TDRD10: variants seen among roughly 807,000 people sequenced by gnomAD.
The protein encoded by TDRD10 is tudor domain-containing protein 10.
In TDRD10, 40 loss-of-function variants were observed where a neutral mutation model predicts 48.0. That is an observed-to-expected ratio of 0.83 (90% confidence interval 0.65 to 1.09). The LOEUF (loss-of-function observed/expected upper bound fraction) is 1.09, where lower values mean the gene tolerates loss of function less well. TDRD10 is among the 50% of genes least tolerant of loss of function. The pLI is 0.00. For missense variants in TDRD10, 378 were observed against 434.7 expected, an observed-to-expected ratio of 0.87 and a Z score of 1.16; for synonymous variants, 162 against 170.4, an observed-to-expected ratio of 0.95 and a Z score of 0.38.
chr1:154,520,261 G>C, intron 4 of TDRD10, 43 bp from the exon 5 acceptor site: 3 of 1,443,096 alleles, frequency 2.1e-6, no homozygotes, highest in Admixed American at 1.7e-5. Flanking sequence ...GTGGTTGTAA[G>C]TTATGTCTCT....
Position 154,547,470 on chromosome 1 carries a change from GAACTCGGCGGT to G in TDRD10, c.1019_1023+6del. 6.2e-7 allele frequency: 1 copy of G among 1,614,222 alleles called. No individual in the cohort carries two copies. Among genetic ancestry groups the G allele is most frequent in the Non-Finnish European group, 8.5e-7 (1 of 1,180,042 alleles). On this transcript the variant is annotated splice_donor_variant and coding_sequence_variant, in exon 12 of 13. Coordinates refer to ENST00000368482, the MANE Select transcript of TDRD10 (RefSeq NM_182499.4). LOFTEE classifies it high-confidence loss of function. ...TCAAAGGGAAAATCACTGGTGCTTT[GAACTCGGCGGT>G]AACTGCTCCTGCATCTAACTTGGCT... is the stretch of plus-strand genomic sequence containing the variant.
At chr1:154,516,047 T>G (rs1463803985) in intron 4 of TDRD10, among the ~76,000 whole-genome samples, 1 of 152,176 alleles carries the variant, frequency 6.6e-6, no homozygotes, top group Non-Finnish European at 1.5e-5. Context: ...AGTGATGATC[T>G]CTTCCCCATA....
chr1:154,520,597 C>T (rs1694006822), intron 5 of TDRD10, among the ~76,000 whole-genome samples: 1 of 152,178 alleles, frequency 6.6e-6, no homozygotes, highest in African/African-American at 2.4e-5. Context: ...AGTCCAGAGA[C>T]CTGGGTATAT....
intron 6 of TDRD10, among the ~76,000 whole-genome samples, chr1:154,536,908 A>AT (rs1694950391): frequency 6.6e-6 from 1 of 152,116 alleles, no homozygotes; most frequent in South Asian, 2.1e-4. Flanking sequence ...TTGCACCTAG[A>AT]TTTAACTTTT....
chr1:154,508,586 C>T (rs931393206), intron 4 of TDRD10, 105 bp downstream of exon 4: 1 of 791,174 alleles, frequency 1.3e-6, no homozygotes, highest in African/African-American at 1.7e-5. Flanking sequence ...CGTTTGAGAG[C>T]TATGATAGTG....
At chr1:154,547,299 G>GT in intron 11 of TDRD10, 110 bp from the exon 12 acceptor site, 1 of 1,100,366 alleles carries the variant, frequency 9.1e-7, no homozygotes, top group South Asian at 1.4e-5. Context: ...GTTGGAGCTG[G>GT]TTGGCGGCCA....
intron 6 of TDRD10, among the ~76,000 whole-genome samples, chr1:154,525,075 G>T (rs764785750): frequency 6.6e-6 from 1 of 152,210 alleles, no homozygotes; most frequent in Non-Finnish European, 1.5e-5. Context: ...GAAGGTCAGG[G>T]TGAATGTGGT....
intron 4 of TDRD10, among the ~76,000 whole-genome samples, chr1:154,510,831 G>A (rs866103328): frequency 6.6e-6 from 1 of 151,630 alleles, no homozygotes; most frequent in Non-Finnish European, 1.5e-5. Flanking sequence ...TGGATCACGA[G>A]TTCAGGAGCT....
In TDRD10 at chr1:154,544,120, G is replaced by T. The variant is rs1461484903; in HGVS notation, c.651+10G>T. Reference sequence around the variant, plus strand: ...TATGCACGTCACTGAGGTATGGACTGGTTGTTGGCCCCCTCAGGCTCCTGT... The same window carrying T: ...TATGCACGTCACTGAGGTATGGACTTGTTGTTGGCCCCCTCAGGCTCCTGT... On this transcript the variant is annotated intron_variant, in intron 9 of 12. Transcript: ENST00000368482. 1.2e-6 allele frequency: 2 copies of T among 1,614,080 alleles called. No homozygotes were observed. Among genetic ancestry groups the T allele is most frequent in the South Asian group, 2.2e-5 (2 of 91,062 alleles).
Position 154,508,406 on chromosome 1 carries a change from G to T in TDRD10, c.83-17G>T. Reference sequence around the variant, plus strand: ...ACCGTATGTATGCCTGCCATTTAATGCTGTTTTTCTTCTTAGGATTCAAGA... The same window carrying T: ...ACCGTATGTATGCCTGCCATTTAATTCTGTTTTTCTTCTTAGGATTCAAGA... On this transcript the variant is annotated splice_polypyrimidine_tract_variant and intron_variant, in intron 3 of 12. Transcript: ENST00000368482. 1 of 1,579,574 alleles carries T rather than the reference G, an allele frequency of 6.3e-7. No individual in the cohort carries two copies. The highest frequency in any genetic ancestry group is 1.1e-5 in the South Asian group (1 of 90,386).
intron 4 of TDRD10, among the ~76,000 whole-genome samples, chr1:154,512,995 A>G (rs1020559758): frequency 6.6e-6 from 1 of 152,218 alleles, no homozygotes; most frequent in Admixed American, 6.5e-5. Context: ...GAGAGATGTT[A>G]TGATGAAACG....
At chr1:154,519,554 C>A (rs1377198642) in intron 4 of TDRD10, among the ~76,000 whole-genome samples, 1 of 152,138 alleles carries the variant, frequency 6.6e-6, no homozygotes, top group African/African-American at 2.4e-5. Flanking sequence ...GCAGCGAGTG[C>A]ATGTCTGTGA....
At chr1:154,538,589 C>T (rs1470238290) in intron 6 of TDRD10, among the ~76,000 whole-genome samples, 1 of 143,060 alleles carries the variant, frequency 7.0e-6, no homozygotes, top group Non-Finnish European at 1.5e-5. Flanking sequence ...CGCGGTGGCT[C>T]ATGCCTGTAA....
intron 4 of TDRD10, 65 bp downstream of exon 4, chr1:154,508,546 T>TTAATTTCCTTA: frequency 2.8e-6 from 3 of 1,067,072 alleles, no homozygotes; most frequent in African/African-American, 1.6e-5. Flanking sequence ...AGTAACCTGC[T>TTAATTTCCTTA]AGTAACTTAA....
At chr1:154,503,581 C>G (rs1201565768) in intron 1 of TDRD10, among the ~76,000 whole-genome samples, 1 of 152,174 alleles carries the variant, frequency 6.6e-6, no homozygotes, top group Non-Finnish European at 1.5e-5. Flanking sequence ...GAGCGAGACT[C>G]CGTCTCAAAA....
chr1:154,519,039 G>T (rs1206019766), intron 4 of TDRD10, among the ~76,000 whole-genome samples: 1 of 152,132 alleles, frequency 6.6e-6, no homozygotes, highest in Non-Finnish European at 1.5e-5. Context: ...CCATAGAGAC[G>T]TCATTTAACC....
chr1:154,532,036 T>C (rs976603153), intron 6 of TDRD10, among the ~76,000 whole-genome samples: 1 of 152,216 alleles, frequency 6.6e-6, no homozygotes, highest in Non-Finnish European at 1.5e-5. Context: ...ACCCAGTGGA[T>C]CTCGCACCGG....
intron 10 of TDRD10, 136 bp downstream of exon 10, chr1:154,544,653 C>T (rs908424568): frequency 6.8e-7 from 1 of 1,466,750 alleles, no homozygotes; most frequent in Non-Finnish European, 9.1e-7. Flanking sequence ...TCCTTATTTC[C>T]TCACTCAAGG....
chr1:154,511,899 C>T (rs575935799), intron 4 of TDRD10, among the ~76,000 whole-genome samples: 1 of 152,014 alleles, frequency 6.6e-6, no homozygotes, highest in South Asian at 2.1e-4. Flanking sequence ...CGTGGTGGCA[C>T]ACACCTGTAA....
Sources: gnomAD v4.1 joint callset for allele counts (sites outside exome capture counted in the v4.1 genomes callset) on GRCh38, gnomAD v4.1.1 for gene constraint, MANE v1.5 for transcripts, NCBI Gene and HGNC (gene_info 2026-07-23, HGNC 2026-07-21) for gene names.